RTL1: variants seen among roughly 807,000 people sequenced by gnomAD.
RTL1 encodes the protein retrotransposon Gag like 1, also known as retrotransposon-like protein 1.
For missense variants in RTL1, 1,681 were observed against 1,767.5 expected, an observed-to-expected ratio of 0.95 and a Z score of 0.88; for synonymous variants, 727 against 748.4, an observed-to-expected ratio of 0.97 and a Z score of 0.47.
At position 100,882,070 on chromosome 14, in the gene RTL1, A is replaced by G; in HGVS notation, c.2719T>C (p.Ser907Pro). The change falls in exon 4 of 4, where the codon TCC (serine) becomes CCC (proline). Residue 907 changes from serine to proline, a missense_variant. Coordinates refer to ENST00000649591, the MANE Select transcript of RTL1 (RefSeq NM_001134888.3). ...TGKRACCAFY[S>P]RNISPIEVEY... The stretch of plus-strand genomic sequence containing the variant: ...ACCTCGATAGGGGAGATGTTGCGGG[A>G]GTAGAAAGCGCAGCAGGCTCTCTTG... 1 of 1,604,460 alleles carries G rather than the reference A, an allele frequency of 6.2e-7. No individual in the cohort carries two copies. Among genetic ancestry groups the G allele is most frequent in the Non-Finnish European group, 8.5e-7 (1 of 1,175,094 alleles).
intron 2 of RTL1, among the ~76,000 whole-genome samples, chr14:100,901,063 G>GC (rs962564386): frequency 6.6e-6 from 1 of 152,098 alleles, no homozygotes; most frequent in Non-Finnish European, 1.5e-5. Flanking sequence ...ACACGATGCT[G>GC]CCCCCCCACG....
rs553352259 is a variant in RTL1, at chr14:100,883,270, G to A, written c.1519C>T (p.Arg507Cys). Reference sequence around the variant, plus strand: ...TCGGGGGCGTGGACTCGGAGCCAGCGGATGCCTAGGACCACAGAGAAGTTC... The same window carrying A: ...TCGGGGGCGTGGACTCGGAGCCAGCAGATGCCTAGGACCACAGAGAAGTTC... ...SPNFSVVLGI[R>C]WLRVHAPEVD... The change falls in exon 4 of 4, where the codon CGC (arginine) becomes TGC (cysteine). Residue 507 changes from arginine (R) to cysteine (C), a missense_variant. By Grantham distance (180) the Arg-to-Cys change is radical. Transcript: ENST00000649591. The surrounding 1 kb of genome is among the most constrained non-coding windows in gnomAD (Gnocchi z 5.9). The A allele has an allele frequency of 4.0e-5, 62 of 1,551,034 alleles. No individual in the cohort carries two copies. The African/African-American group carries it at 6.4e-4, about 16-fold the overall frequency.
rs1227835023 is a variant in RTL1 at position 100,884,270 on chromosome 14, C to A, written c.519G>T (p.Leu173=). 6.4e-7 allele frequency: 1 copy of A among 1,551,786 alleles called. No homozygotes were observed. ...CTTTGAGGTCTTGCATTCGGAAGTA[C>A]AGCGAGATGATGGACCTCACCATGG... ...LMAMVRSIIS[L]YFRMQDLKEQ... Residue 173 remains leucine, a synonymous_variant, in exon 4 of 4, where the codon CTG becomes CTT. Coordinates refer to ENST00000649591, the MANE Select transcript of RTL1 (RefSeq NM_001134888.3).
At position 100,883,573 on chromosome 14, in the gene RTL1, G is replaced by C; in HGVS notation, c.1216C>G (p.Arg406Gly). 1.3e-6 allele frequency: 2 copies of C among 1,551,454 alleles called. No individual in the cohort carries two copies. Among genetic ancestry groups the C allele is most frequent in the Non-Finnish European group, 1.7e-6 (2 of 1,146,996 alleles). Residue 406 changes from arginine to glycine, a missense_variant, in exon 4 of 4, where the codon CGC becomes GGC. Transcript: ENST00000649591. The surrounding 1 kb of genome is among the most constrained non-coding windows in gnomAD (Gnocchi z 5.9). ...LPSEVHPDIN[R>G]AHLFLLLMVR... Reference sequence around the variant, plus strand: ...ATGAGCAGCAGGAAGAGGTGGGCGCGATTGATGTCCGGATGGACTTCGCTG... The same window carrying C: ...ATGAGCAGCAGGAAGAGGTGGGCGCCATTGATGTCCGGATGGACTTCGCTG...
Position 100,881,465 on chromosome 14 carries a change from C to T in RTL1, c.3324G>A (p.Arg1108=). ...GAGCCACCCGCATGGCGGGTGCCGG[C>T]CGCAGCGAGAGGCATTGCCTCACGC... ...LLRVRQCLSL[R]PAPAMRVARP... Residue 1108 remains arginine (R), a synonymous_variant, in exon 4 of 4, where the codon CGG becomes CGA. Coordinates refer to ENST00000649591, the MANE Select transcript of RTL1 (RefSeq NM_001134888.3). This position sits in a 1 kb window ranked among gnomAD's most constrained non-coding sequence, Gnocchi z 6.6. 4 of 1,550,752 alleles carry T rather than the reference C, an allele frequency of 2.6e-6. No homozygotes were observed. Among genetic ancestry groups the T allele is most frequent in the Non-Finnish European group, 3.5e-6 (4 of 1,146,926 alleles).
In RTL1 at chr14:100,884,705, G is replaced by C. The variant is rs2038673745; in HGVS notation, c.84C>G (p.Gly28=). The C allele has an allele frequency of 6.2e-7, 1 of 1,612,946 alleles. No individual in the cohort carries two copies. Among genetic ancestry groups the C allele is most frequent in the Admixed American group, 1.7e-5 (1 of 59,828 alleles). The stretch of plus-strand genomic sequence containing the variant: ...ACGTCGCCTCGGTGGTGTTGGATGA[G>C]CCCTCGGAGGACTCCATTTGTTTTG... ...PSSKQMESSE[G]SSNTTEATSG... is the part of the protein sequence containing the mutation. The change falls in exon 4 of 4, where the codon GGC becomes GGG. Residue 28 remains glycine, a synonymous_variant. Transcript: ENST00000649591.
intron 3 of RTL1, among the ~76,000 whole-genome samples, chr14:100,891,026 G>T (rs1566758083): frequency 6.6e-6 from 1 of 152,196 alleles, no homozygotes; most frequent in South Asian, 2.1e-4. Context: ...GTCAAGGATG[G>T]CTCACTTGAT....
At position 100,881,472 on chromosome 14, in the gene RTL1, G is replaced by A. The variant is rs371335468; in HGVS notation, c.3317C>T (p.Ser1106Leu). Residue 1106 changes from serine to leucine, a missense_variant, in exon 4 of 4, where the codon TCG becomes TTG. By Grantham distance (145) the Ser-to-Leu change is moderately radical (BLOSUM62 -2). Transcript: ENST00000649591. The surrounding 1 kb of genome is among the most constrained non-coding windows in gnomAD (Gnocchi z 6.6). ...LVLLRVRQCL[S>L]LRPAPAMRVA... ...CCGCATGGCGGGTGCCGGCCGCAGC[G>A]AGAGGCATTGCCTCACGCGCAGTAG... The A allele has an allele frequency of 3.2e-4, 493 of 1,551,126 alleles. No individual in the cohort carries two copies. The African/African-American group carries it at 5.4e-3, about 17-fold the overall frequency.
intron 2 of RTL1, among the ~76,000 whole-genome samples, chr14:100,894,363 C>T (rs970171033): frequency 2.6e-5 from 4 of 151,650 alleles, no homozygotes; most frequent in Non-Finnish European, 4.4e-5. Context: ...GTATTTGAGT[C>T]TGGGCCCCGG....
intron 1 of RTL1, among the ~76,000 whole-genome samples, 68 bp downstream of exon 1, chr14:100,903,537 C>T (rs987253045): frequency 6.6e-6 from 1 of 152,168 alleles, no homozygotes; most frequent in Admixed American, 6.5e-5. Flanking sequence ...ACCCTGCACA[C>T]TGGTCTCATG....
In RTL1 at chr14:100,893,908, C is replaced by T. The variant is rs938841454; in HGVS notation, c.-148-403G>A. ...CTAAGTCCAGCCAGAGCGTCAGCCTCGCTGGCGTCCTCACTGGCCATGGCC... is the reference window on the plus strand; with the variant it reads ...CTAAGTCCAGCCAGAGCGTCAGCCTTGCTGGCGTCCTCACTGGCCATGGCC... On this transcript the variant is annotated intron_variant, in intron 2 of 3. Transcript: ENST00000649591. The surrounding 1 kb of genome is among the most constrained non-coding windows in gnomAD (Gnocchi z 4.2). Among the ~76,000 whole-genome samples the T allele has an allele frequency of 2.0e-5, 3 of 152,230 alleles. No homozygotes were observed. The highest frequency in any genetic ancestry group is 6.5e-5 in the Admixed American group (1 of 15,292).
intron 3 of RTL1, among the ~76,000 whole-genome samples, chr14:100,889,495 T>C (rs2038739105): frequency 6.6e-6 from 1 of 152,262 alleles, no homozygotes; most frequent in Non-Finnish European, 1.5e-5. Flanking sequence ...CGCTTCTCTC[T>C]GAAAAGACTG....
chr14:100,897,908 AG>A (rs762840304), intron 2 of RTL1: 7 of 507,822 alleles, frequency 1.4e-5, no homozygotes, highest in African/African-American at 1.3e-4. Flanking sequence ...GCAAAATAAA[AG>A]GGGGCTTTTC....
intron 2 of RTL1, chr14:100,894,859 C>A (rs1451850853): frequency 2.0e-5 from 3 of 152,234 alleles, no homozygotes. Context: ...AACTCAAGCC[C>A]TTCATTCTGC....
At position 100,881,238 on chromosome 14, in the gene RTL1, C is replaced by T. The variant is rs558929783; in HGVS notation, c.3551G>A (p.Arg1184Gln). 5.0e-5 allele frequency: 77 copies of T among 1,548,082 alleles called. No individual in the cohort carries two copies. Among genetic ancestry groups the T allele is most frequent in the African/African-American group, 4.0e-4 (29 of 73,096 alleles). ...QRNALHSQAHRGLQFTPGFWL... is the reference protein window; with the variant it reads ...QRNALHSQAHQGLQFTPGFWL... ...GAAGCCAGGGGTGAACTGCAGGCCT[C>T]GGTGGGCCTGGGAGTGCAGAGCATT... Residue 1184 changes from arginine (R) to glutamine (Q), a missense_variant, in exon 4 of 4, where the codon CGA becomes CAA. Arg to Gln is a conservative substitution (Grantham distance 43). Coordinates refer to ENST00000649591, the MANE Select transcript of RTL1 (RefSeq NM_001134888.3). The surrounding 1 kb of genome is among the most constrained non-coding windows in gnomAD (Gnocchi z 6.6).
intron 2 of RTL1, among the ~76,000 whole-genome samples, chr14:100,898,649 AC>A (rs2038901292): frequency 6.6e-6 from 1 of 152,132 alleles, no homozygotes; most frequent in South Asian, 2.1e-4. Flanking sequence ...TGCTAGGCGC[AC>A]CTCACCCCCA....
intron 2 of RTL1, among the ~76,000 whole-genome samples, chr14:100,899,446 C>T (rs372004558): frequency 7.2e-5 from 11 of 152,020 alleles, no homozygotes; most frequent in Non-Finnish European, 1.6e-4. Flanking sequence ...CCTTTGGGAC[C>T]GAGTCATATT....
intron 2 of RTL1, among the ~76,000 whole-genome samples, chr14:100,900,215 A>G (rs2038923114): frequency 6.6e-6 from 1 of 152,266 alleles, no homozygotes; most frequent in South Asian, 2.1e-4. Flanking sequence ...CCAGAGGTTC[A>G]TAATTCCTGG....
Position 100,882,906 on chromosome 14 carries a change from C to T in RTL1, c.1883G>A (p.Arg628Lys), listed in dbSNP as rs568940916. 18 of 1,604,132 alleles carry T rather than the reference C, an allele frequency of 1.1e-5. No individual in the cohort carries two copies. The highest frequency in any genetic ancestry group is 1.7e-4 in the Middle Eastern group (1 of 6,052). ...PVGARMQERA[R>K]LQEEYWDLQD... is the part of the protein sequence containing the mutation. ...CAGGTCCCAGTATTCCTCCTGTAGC[C>T]TGGCTCTTTCTTGCATCCTGGCACC... Residue 628 changes from arginine (R) to lysine (K), a missense_variant, in exon 4 of 4, where the codon AGG (arginine) becomes AAG (lysine). Coordinates refer to ENST00000649591, the MANE Select transcript of RTL1 (RefSeq NM_001134888.3).
Sources: gnomAD v4.1 joint callset for allele counts (sites outside exome capture counted in the v4.1 genomes callset) on GRCh38, gnomAD v4.1.1 for gene constraint, Gnocchi (gnomAD v3.1) non-coding constraint, MANE v1.5 for transcripts, NCBI Gene and HGNC (gene_info 2026-07-23, HGNC 2026-07-21) for gene names.